Variants in IGF2 observed in about 807,000 individuals in gnomAD.
The protein encoded by IGF2 is insulin-like growth factor 2.
A neutral mutation model predicts 12.0 loss-of-function variants in IGF2; 2 were observed. The ratio of observed to expected loss-of-function variants is 0.17; its 90% confidence interval spans 0.07 to 0.52. The LOEUF (loss-of-function observed/expected upper bound fraction) is 0.52. IGF2 is among the 20% of genes least tolerant of loss of function. IGF2 has a pLI of 0.95. For synonymous variants in IGF2, 105 were observed against 110.1 expected (o/e 0.95, Z 0.29); for missense variants, 211 against 268.0 (o/e 0.79, Z 1.48).
Position 2,138,877 on chromosome 11 carries a change from G to C in IGF2, c.-655C>G, listed in dbSNP as rs973915116. Reference sequence around the variant, plus strand: ...CCGGGGGAGGCGGTGACTGGGGGGCGGAGTGGAGGCTGCACCCGGACCGCG... The same window carrying C: ...CCGGGGGAGGCGGTGACTGGGGGGCCGAGTGGAGGCTGCACCCGGACCGCG... On this transcript the variant is annotated 5_prime_UTR_variant, in exon 1 of 4. Transcript: ENST00000416167. 3.1e-6 allele frequency: 3 copies of C among 982,582 alleles called. No individual in the cohort carries two copies. The highest frequency in any genetic ancestry group is 3.6e-6 in the Non-Finnish European group (3 of 827,656). 60.9% of individuals were successfully genotyped at this position (982,582 alleles called of 1,614,324 possible). A position where few individuals can be genotyped will look rare whatever the true frequency, so the allele number is the denominator to read the frequency against.
rs558774932 is a variant in IGF2, at chr11:2,132,039, CGT to C, written c.*946_*947del. On this transcript the variant is annotated 3_prime_UTR_variant, in exon 4 of 4. Transcript: ENST00000416167. ...TCATCTGTGTGCTGTGTGTGCTGTG[CGT>C]TTGTGTGTGTGCTGTGCTCGTGTGT... is the stretch of plus-strand genomic sequence containing the variant. 25 of 21,776 alleles carry C rather than the reference CGT, an allele frequency of 1.1e-3. No homozygotes were observed. Among genetic ancestry groups the C allele is most frequent in the East Asian group, 1.9e-3 (5 of 2,640 alleles). 1.3% of individuals were successfully genotyped at this position (21,776 alleles called of 1,614,324 possible).
At chr11:2,140,505 G>C, upstream of IGF2, 1 of 546,306 alleles carries the variant, frequency 1.8e-6, no homozygotes, top group Non-Finnish European at 3.1e-6. Context: ...CGCGCCTCCC[G>C]GCGGAGTCCT....
At chr11:2,140,648 G>A (rs1005793920), upstream of IGF2, 3 of 494,606 alleles carry the variant, frequency 6.1e-6, no homozygotes, top group South Asian at 3.0e-5. Flanking sequence ...TTTGCAATGA[G>A]CAAACGAAAG....
Position 2,133,092 on chromosome 11 carries a change from G to A in IGF2, c.438C>T (p.Leu146=), listed in dbSNP as rs773939360. ...GACGTTTGGCCTCCCTGAACGCCTC[G>A]AGCTCCTTGGCGAGCACGTGACCCC... The part of the protein sequence containing the change: ...ARRGHVLAKE[L]EAFREAKRHR... Residue 146 remains leucine (L), a synonymous_variant, in exon 4 of 4, where the codon CTC becomes CTT. Transcript: ENST00000416167. This position sits in a 1 kb window ranked among gnomAD's most constrained non-coding sequence, Gnocchi z 8.9. 25 of 1,607,802 alleles carry A rather than the reference G, an allele frequency of 1.6e-5. No homozygotes were observed. Among genetic ancestry groups the A allele is most frequent in the African/African-American group, 9.4e-5 (7 of 74,742 alleles).
chr11:2,138,732 TGGGGGGGAC>T lies in IGF2; in HGVS notation c.-519_-511del. The T allele has an allele frequency of 4.1e-5, 3 of 73,016 alleles. No individual in the cohort carries two copies. Among genetic ancestry groups the T allele is most frequent in the Non-Finnish European group, 5.0e-5 (3 of 60,008 alleles). The allele number at this position is 73,016 out of a possible 1,614,324, so 4.5% of individuals were successfully genotyped here. ...GGGGAGGGAGTCGGAGGCTAGGAGC[TGGGGGGGAC>T]GGGAGGGAGCGAAGGGAAGGTTGCG... is the stretch of plus-strand genomic sequence containing the variant. On this transcript the variant is annotated 5_prime_UTR_variant, in exon 1 of 4. Coordinates refer to ENST00000416167, the MANE Select transcript of IGF2 (RefSeq NM_000612.6).
In IGF2 at chr11:2,139,285, C is replaced by G. The variant is rs1164639181; in HGVS notation, c.-1063G>C. The G allele has an allele frequency of 7.6e-6, 1 of 131,498 alleles. No homozygotes were observed. The highest frequency in any genetic ancestry group is 2.8e-5 in the African/African-American group (1 of 35,510). The allele number at this position is 131,498 out of a possible 1,614,324, so 8.1% of individuals were successfully genotyped here. Reference sequence around the variant, plus strand: ...GCGGGGCCGCCTTGCCCGATGGAGGCGCTGGTGGGCAGAGCGCGGGCAGGC... The same window carrying G: ...GCGGGGCCGCCTTGCCCGATGGAGGGGCTGGTGGGCAGAGCGCGGGCAGGC... On this transcript the variant is annotated 5_prime_UTR_variant, in exon 1 of 4. Coordinates refer to ENST00000416167, the MANE Select transcript of IGF2 (RefSeq NM_000612.6).
rs566992364 is a variant in IGF2 at position 2,138,659 on chromosome 11, T to C, written c.-437A>G. ...AGCACGGAGAGAAACAGAAAGCGTG[T>C]AATTAATCCACTTTGGTTCGGCGAA... On this transcript the variant is annotated 5_prime_UTR_variant, in exon 1 of 4. Coordinates refer to ENST00000416167, the MANE Select transcript of IGF2 (RefSeq NM_000612.6). 30 of 961,964 alleles carry C rather than the reference T, an allele frequency of 3.1e-5. No homozygotes were observed. Among genetic ancestry groups the C allele is most frequent in the Non-Finnish European group, 3.5e-5 (29 of 824,358 alleles). The allele number at this position is 961,964 out of a possible 1,614,324, so 59.6% of individuals were successfully genotyped here.
upstream of IGF2, among the ~76,000 whole-genome samples, chr11:2,143,943 T>TG (rs1381962581): frequency 1.3e-5 from 2 of 152,038 alleles, no homozygotes; most frequent in African/African-American, 4.8e-5. Flanking sequence ...GGATTCACCT[T>TG]GGCTGGGGCG....
chr11:2,140,384 C>A (rs1428423797), upstream of IGF2: 24 of 1,312,890 alleles, frequency 1.8e-5, no homozygotes, highest in Non-Finnish European at 2.3e-5. Context: ...CCGCCAGCCC[C>A]CCGCCGCCTA....
In IGF2 at chr11:2,133,011, T is replaced by TG. The variant is rs755455183; in HGVS notation, c.518dup (p.Glu174ArgfsTer50). ...CTCACTTCCGATTGCTGGCCATCTC[T>TG]GGGGGGGCGCCCCCGTGGGCGGGGT... is the stretch of plus-strand genomic sequence containing the variant. On this transcript the variant is annotated frameshift_variant, in exon 4 of 4. Transcript: ENST00000416167. LOFTEE classifies it high-confidence loss of function. This position sits in a 1 kb window ranked among gnomAD's most constrained non-coding sequence, Gnocchi z 8.9. 1.8e-5 allele frequency: 28 copies of TG among 1,545,916 alleles called. No homozygotes were observed. The highest frequency in any genetic ancestry group is 5.5e-5 in the African/African-American group (4 of 72,300).
intron 1 of IGF2, among the ~76,000 whole-genome samples, chr11:2,137,993 G>T (rs912278889): frequency 1.3e-5 from 2 of 151,552 alleles, no homozygotes; most frequent in African/African-American, 4.9e-5. Context: ...GGCCCTTCCC[G>T]ACGCCCCCAC....
chr11:2,135,422 G>A lies in IGF2; in HGVS notation c.102C>T (p.Gly34=), dbSNP rs775525616. The change falls in exon 2 of 4, where the codon GGC becomes GGT. Residue 34 remains glycine (G), a synonymous_variant. Transcript: ENST00000416167. ...ACTGGAGGGTGTCCACCAGCTCCCC[G>A]CCGCACAGGGTCTCACTGGGGCGGT... The part of the protein sequence containing the change: ...AAYRPSETLC[G]GELVDTLQFV... 25 of 1,613,594 alleles carry A rather than the reference G, an allele frequency of 1.5e-5. No individual in the cohort carries two copies. The highest frequency in any genetic ancestry group is 4.0e-5 in the African/African-American group (3 of 74,936).
the IGF2 span, chr11:2,146,415 C>T: frequency 1.5e-5 from 8 of 533,924 alleles, no homozygotes; most frequent in Non-Finnish European, 2.3e-5. Flanking sequence ...AGGACACACT[C>T]GCTGGCGTCA....
chr11:2,134,818 A>C (rs981777817), intron 2 of IGF2, among the ~76,000 whole-genome samples: 1 of 152,184 alleles, frequency 6.6e-6, no homozygotes, highest in Non-Finnish European at 1.5e-5. Flanking sequence ...AGCGTCCTTG[A>C]GGTCAGCAGG....
chr11:2,138,409 T>A lies in IGF2; in HGVS notation c.-187A>T. On this transcript the variant is annotated 5_prime_UTR_variant, in exon 1 of 4. Transcript: ENST00000416167. ...TTTTTGGGGGGGGGGGGAGAATTCG[T>A]CTGATTGTCCAGGGAGGACGGGCTG... 7.1e-6 allele frequency: 4 copies of A among 563,016 alleles called. No individual in the cohort carries two copies. The highest frequency in any genetic ancestry group is 8.1e-5 in the South Asian group (1 of 12,364). 34.9% of individuals were successfully genotyped at this position (563,016 alleles called of 1,614,324 possible).
chr11:2,144,650 T>C (rs561548596), upstream of IGF2, among the ~76,000 whole-genome samples: 7 of 152,140 alleles, frequency 4.6e-5, no homozygotes, highest in South Asian at 8.3e-4. Flanking sequence ...CAGTTCCTTA[T>C]AGGCAAATAT....
chr11:2,141,387 G>C (rs1449842088), upstream of IGF2: 1 of 152,216 alleles, frequency 6.6e-6, no homozygotes, highest in Non-Finnish European at 1.5e-5. Context: ...GACTAAACTC[G>C]AGACTCCAGA....
upstream of IGF2, chr11:2,140,390 G>T (rs1252842087): frequency 2.4e-6 from 3 of 1,248,200 alleles, no homozygotes; most frequent in African/African-American, 1.5e-5. Context: ...GCCCCCCGCC[G>T]CCTAAGCCTA....
intron 2 of IGF2, 150 bp downstream of exon 2, chr11:2,135,217 G>T: frequency 1.5e-6 from 1 of 673,390 alleles, no homozygotes; most frequent in South Asian, 2.3e-5. Context: ...CACCGCACGT[G>T]CTCAGAAACG....
Sources: gnomAD v4.1 joint callset for allele counts (sites outside exome capture counted in the v4.1 genomes callset) on GRCh38, gnomAD v4.1.1 for gene constraint, Gnocchi (gnomAD v3.1) non-coding constraint, MANE v1.5 for transcripts, NCBI Gene and HGNC (gene_info 2026-07-23, HGNC 2026-07-21) for gene names.